The following PRKG1 variants were observed in gnomAD, a reference collection of about 807,000 sequenced individuals.
The protein encoded by PRKG1 is cGMP-dependent protein kinase 1.
In PRKG1, 35 loss-of-function variants were observed where a neutral mutation model predicts 88.1. That is an observed-to-expected ratio of 0.40 (90% confidence interval 0.30 to 0.53). The LOEUF (loss-of-function observed/expected upper bound fraction) is 0.53, where lower values mean the gene tolerates loss of function less well. Ranked by LOEUF, PRKG1 falls within the 20% of genes least tolerant of loss-of-function variation. PRKG1 has a pLI of 0.59. For synonymous variants in PRKG1, 303 were observed against 292.5 expected (o/e 1.04, Z -0.37); for missense variants, 540 against 839.8 (o/e 0.64, Z 4.41).
intron 2 of PRKG1, among the ~76,000 whole-genome samples, chr10:51,421,711 TTGTAA>T: frequency 6.6e-6 from 1 of 152,186 alleles, no homozygotes; most frequent in Non-Finnish European, 1.5e-5. Context: ...GATGAATGAT[TTGTAA>T]TGTATTCTTC....
chr10:51,222,124 C>CG (rs1838553998), intron 2 of PRKG1, among the ~76,000 whole-genome samples: 1 of 110,728 alleles, frequency 9.0e-6, no homozygotes, highest in Middle Eastern at 4.1e-3. Context: ...TGATCCGCGC[C>CG]CCCCCCCGAC....
chr10:51,074,788 C>G lies in PRKG1; in HGVS notation c.198C>G (p.Ser66Arg), dbSNP rs1257406144. Reference protein sequence around the residue: ...ATQQAQKQSASTLQGEPRTKR... With the variant: ...ATQQAQKQSARTLQGEPRTKR... ...AGCAGGCGCAGAAGCAGAGCGCGAG[C>G]ACCTTGCAGGGCGAGCCGCGCACCA... The change falls in exon 1 of 18, where the codon AGC (serine) becomes AGG (arginine). Residue 66 changes from serine (S) to arginine (R), a missense_variant. By Grantham distance (110) the Ser-to-Arg change is moderately radical. Coordinates refer to ENST00000373980, the MANE Select transcript of PRKG1 (RefSeq NM_006258.4). 6.2e-7 allele frequency: 1 copy of G among 1,613,972 alleles called. No homozygotes were observed. The highest frequency in any genetic ancestry group is 1.7e-5 in the Admixed American group (1 of 59,994).
intron 5 of PRKG1, among the ~76,000 whole-genome samples, chr10:51,922,243 G>GC (rs1842478534): frequency 1.3e-5 from 2 of 150,764 alleles, no homozygotes; most frequent in South Asian, 4.2e-4. Context: ...AGTAGTGGTG[G>GC]CCCCTTCTTC....
chr10:51,308,953 T>C (rs1423264409), intron 2 of PRKG1, among the ~76,000 whole-genome samples: 1 of 151,960 alleles, frequency 6.6e-6, no homozygotes, highest in Admixed American at 6.6e-5. Context: ...TCTGGGAGTG[T>C]AGAGAAAGCT....
At position 51,626,207 on chromosome 10, in the gene PRKG1, A is replaced by G. The variant is rs116040659; in HGVS notation, c.592+158371A>G. ...TTTCATGCATGTCACAAAGCAGCAG[A>G]AATCCCCGTGAAAACTGGATGACTG... On this transcript the variant is annotated intron_variant, in intron 3 of 17. Coordinates refer to ENST00000373980, the MANE Select transcript of PRKG1 (RefSeq NM_006258.4). Among the ~76,000 whole-genome samples, 954 of 152,316 alleles carry G rather than the reference A, an allele frequency of 6.3e-3. 12 individuals are homozygous for G. Among genetic ancestry groups the G allele is most frequent in the African/African-American group, 0.022 (917 of 41,570 alleles).
At position 52,170,342 on chromosome 10, in the gene PRKG1, G is replaced by C. The variant is rs141692360; in HGVS notation, c.1076+8379G>C. ...TATTCTCTGCCTTGTCCCCAAAAAG[G>C]ACATTCATAATAGATTCACATAATA... On this transcript the variant is annotated intron_variant, in intron 9 of 17. Transcript: ENST00000373980. 1.8e-3 allele frequency among the ~76,000 whole-genome samples: 269 copies of C among 152,206 alleles called. 3 individuals carry two copies. Among genetic ancestry groups the C allele is most frequent in the Non-Finnish European group, 3.8e-4 (26 of 68,000 alleles).
intron 3 of PRKG1, among the ~76,000 whole-genome samples, chr10:51,612,629 C>T (rs185450415): frequency 1.3e-4 from 19 of 151,874 alleles, no homozygotes; most frequent in Admixed American, 8.5e-4. Flanking sequence ...TTTATCTTGC[C>T]TGATGCACTG....
chr10:51,504,771 T>C (rs1210155021), intron 3 of PRKG1, among the ~76,000 whole-genome samples: 1 of 152,156 alleles, frequency 6.6e-6, no homozygotes, highest in Non-Finnish European at 1.5e-5. Flanking sequence ...GGCTCTCTGT[T>C]TGTCTGTTAT....
chr10:51,883,561 T>C (rs182272088), intron 4 of PRKG1, among the ~76,000 whole-genome samples: 8 of 152,352 alleles, frequency 5.3e-5, no homozygotes, highest in African/African-American at 1.7e-4. Flanking sequence ...TTTTTGCTTA[T>C]GGTAAGAAAT....
At chr10:51,773,756 C>T (rs1311253627) in intron 3 of PRKG1, among the ~76,000 whole-genome samples, 1 of 151,988 alleles carries the variant, frequency 6.6e-6, no homozygotes, top group South Asian at 2.1e-4. Context: ...ATTTAATTCT[C>T]ACATTGAAAT....
intron 3 of PRKG1, among the ~76,000 whole-genome samples, chr10:51,777,910 G>A (rs994156037): frequency 4.6e-5 from 7 of 151,994 alleles, no homozygotes; most frequent in African/African-American, 1.7e-4. Context: ...TTGCATTTAA[G>A]CTTCTTTTAT....
intron 4 of PRKG1, among the ~76,000 whole-genome samples, chr10:51,877,362 T>A (rs922751156): frequency 6.6e-6 from 1 of 152,126 alleles, no homozygotes; most frequent in Non-Finnish European, 1.5e-5. Flanking sequence ...ATTTTCAGAT[T>A]TTTTTTGGTA....
intron 1 of PRKG1, among the ~76,000 whole-genome samples, chr10:51,113,945 G>A (rs1280063994): frequency 8.2e-5 from 2 of 24,440 alleles, no homozygotes; most frequent in African/African-American, 6.5e-4. Flanking sequence ...GCCTGTAAAC[G>A]TGTGTGTGTG....
At chr10:51,552,598 A>G (rs1164230112) in intron 3 of PRKG1, among the ~76,000 whole-genome samples, 3 of 151,604 alleles carry the variant, frequency 2.0e-5, no homozygotes, top group Non-Finnish European at 4.4e-5. Context: ...AAATTGCTTT[A>G]TGTAATCAAT....
chr10:51,814,880 C>T (rs1179606875), intron 4 of PRKG1, among the ~76,000 whole-genome samples: 1 of 152,146 alleles, frequency 6.6e-6, no homozygotes, highest in Non-Finnish European at 1.5e-5. Flanking sequence ...CACCTCCATA[C>T]ATGTAAGTTT....
At chr10:51,126,273 TTATTTATATATTTATATATAAA>T (rs1170607717) in intron 1 of PRKG1, among the ~76,000 whole-genome samples, 2 of 24,244 alleles carry the variant, frequency 8.2e-5, no homozygotes, top group African/African-American at 1.1e-4. Context: ...TTATTTATAA[TTATTTATATATTTATATATAAA>T]TATTTATATA....
chr10:51,506,738 T>G (rs887243592), intron 3 of PRKG1, among the ~76,000 whole-genome samples: 2 of 152,082 alleles, frequency 1.3e-5, no homozygotes, highest in Non-Finnish European at 2.9e-5. Flanking sequence ...GTGGAAGGCA[T>G]TGTGGCGATT....
chr10:51,852,385 G>A (rs1840582097), intron 4 of PRKG1, among the ~76,000 whole-genome samples: 1 of 151,776 alleles, frequency 6.6e-6, no homozygotes, highest in Admixed American at 6.6e-5. Context: ...TAGAGAGAGA[G>A]AGAGAGAGAG....
intron 1 of PRKG1, among the ~76,000 whole-genome samples, chr10:51,039,586 T>A (rs1302427857): frequency 1.3e-5 from 2 of 152,168 alleles, no homozygotes; most frequent in Non-Finnish European, 2.9e-5. Context: ...TTTTTGTGTG[T>A]GTGTGTGTTT....
Sources: allele counts gnomAD v4.1 joint callset (sites outside exome capture counted in the v4.1 genomes callset), GRCh38; gene constraint gnomAD v4.1.1; transcripts MANE v1.5; gene names NCBI Gene and HGNC (gene_info 2026-07-23, HGNC 2026-07-21).